Variants in CEP350 observed in about 807,000 individuals in gnomAD.
CEP350 encodes the protein centrosome-associated protein 350.
CEP350 carries 126 observed loss-of-function variants against 331.8 expected under a neutral mutation model. The ratio of observed to expected loss-of-function variants is 0.38; its 90% CI spans 0.33 to 0.44. The LOEUF is 0.44. CEP350 is among the 20% of genes least tolerant of loss of function. CEP350 has a pLI of 1.00. For missense variants in CEP350, 3,406 were observed against 3,634.6 expected, an observed-to-expected ratio of 0.94 and a Z score of 1.62; for synonymous variants, 1,200 against 1,259.5, an observed-to-expected ratio of 0.95 and a Z score of 1.00.
At position 180,091,182 on chromosome 1, in the gene CEP350, C is replaced by CT. The variant is rs112664451; in HGVS notation, c.6508+400dup. Among the ~76,000 whole-genome samples the CT allele has an allele frequency of 7.5e-3, 1,063 of 141,890 alleles. 7 individuals are homozygous for CT. The highest frequency in any genetic ancestry group is 0.012 in the Admixed American group (170 of 14,092). The allele number at this position is 141,890 out of a possible 152,430, so 93.1% of individuals were successfully genotyped here. ...GCACATGCCACCATGCCCAGCTCATCTTTTTTTTTTTTTTAAGAGACGGGG... is the reference window on the plus strand; with the variant it reads ...GCACATGCCACCATGCCCAGCTCATCTTTTTTTTTTTTTTTAAGAGACGGGG... On this transcript the variant is annotated intron_variant, in intron 33 of 37. Transcript: ENST00000367607.
intron 1 of CEP350, among the ~76,000 whole-genome samples, chr1:179,965,913 A>G (rs1650982446): frequency 6.6e-6 from 1 of 152,080 alleles, no homozygotes; most frequent in African/African-American, 2.4e-5. Flanking sequence ...GGCATGAGCC[A>G]CTGTGCTCGG....
chr1:179,964,499 A>G (rs1045814393), intron 1 of CEP350, among the ~76,000 whole-genome samples: 1 of 152,100 alleles, frequency 6.6e-6, no homozygotes, highest in Non-Finnish European at 1.5e-5. Flanking sequence ...CTGTGAATGC[A>G]TCTGATCCTG....
chr1:179,968,003 A>G (rs536338130), intron 1 of CEP350, among the ~76,000 whole-genome samples: 32 of 152,224 alleles, frequency 2.1e-4, no homozygotes, highest in South Asian at 1.0e-3. Context: ...GGAGCACTCA[A>G]TGTGGCTATA....
At chr1:180,029,363 G>A (rs548162098) in intron 14 of CEP350, among the ~76,000 whole-genome samples, 10 of 152,254 alleles carry the variant, frequency 6.6e-5, no homozygotes, top group African/African-American at 1.9e-4. Flanking sequence ...TGAATAAAGC[G>A]TTCTTACTAT....
In CEP350 at chr1:180,031,989, A is replaced by G. The variant is rs1656053548; in HGVS notation, c.3725+495A>G. ...AGCTACTTAGCATCCTTATTGTCTTATTGTTTATTTCTTCCTCTCAACTTT... is the reference window on the plus strand; with the variant it reads ...AGCTACTTAGCATCCTTATTGTCTTGTTGTTTATTTCTTCCTCTCAACTTT... On this transcript the variant is annotated intron_variant, in intron 15 of 37. Transcript: ENST00000367607. 3.9e-5 allele frequency among the ~76,000 whole-genome samples: 6 copies of G among 151,920 alleles called. No homozygotes were observed. The South Asian group carries it at 1.2e-3, about 32-fold the overall frequency.
At chr1:179,970,838 A>G (rs1651393074) in intron 1 of CEP350, among the ~76,000 whole-genome samples, 1 of 152,220 alleles carries the variant, frequency 6.6e-6, no homozygotes, top group African/African-American at 2.4e-5. Context: ...GGTATAGATC[A>G]TTGTTTCACA....
At chr1:179,983,274 G>C (rs918191660) in intron 1 of CEP350, among the ~76,000 whole-genome samples, 1 of 151,488 alleles carries the variant, frequency 6.6e-6, no homozygotes, top group South Asian at 2.1e-4. Context: ...TCGCTCTCTT[G>C]CTCAGGCTGG....
chr1:180,038,792 ATATTG>A (rs1656545215), intron 17 of CEP350, among the ~76,000 whole-genome samples: 1 of 152,230 alleles, frequency 6.6e-6, no homozygotes, highest in African/African-American at 2.4e-5. Flanking sequence ...TGTATTGGAA[ATATTG>A]TATTCCAGGT....
At chr1:180,081,532 C>T (rs768471718) in intron 30 of CEP350, among the ~76,000 whole-genome samples, 8 of 152,176 alleles carry the variant, frequency 5.3e-5, no homozygotes, top group South Asian at 2.1e-4. Flanking sequence ...CATCACTTAA[C>T]GTCCAGGATA....
chr1:180,015,820 CAT>C lies in CEP350; in HGVS notation c.2053-25_2053-24del, dbSNP rs751797499. On this transcript the variant is annotated intron_variant, in intron 10 of 37. Coordinates refer to ENST00000367607, the MANE Select transcript of CEP350 (RefSeq NM_014810.5). Reference sequence around the variant, plus strand: ...CTGAATATATCTTTGTGACAGAACTCATATAAATTTGATGTCCTTTTCTCCTA... The same window carrying C: ...CTGAATATATCTTTGTGACAGAACTCATAAATTTGATGTCCTTTTCTCCTA... 26 of 1,601,524 alleles carry C rather than the reference CAT, an allele frequency of 1.6e-5. No homozygotes were observed. In the East Asian group the frequency reaches 4.7e-4, roughly 29 times the overall value.
chr1:179,962,311 A>G (rs1650690377), intron 1 of CEP350, among the ~76,000 whole-genome samples: 1 of 152,206 alleles, frequency 6.6e-6, no homozygotes, highest in African/African-American at 2.4e-5. Context: ...ATGTTGCTCC[A>G]AAGGACATGA....
intron 1 of CEP350, among the ~76,000 whole-genome samples, chr1:179,970,972 A>T (rs933328583): frequency 1.3e-5 from 2 of 151,350 alleles, no homozygotes; most frequent in Non-Finnish European, 2.9e-5. Context: ...TTGTTAGTTT[A>T]TTTAAAATAA....
At position 180,024,530 on chromosome 1, in the gene CEP350, T is replaced by C. The variant is rs772559933; in HGVS notation, c.3498T>C (p.Ser1166=). 6.2e-7 allele frequency: 1 copy of C among 1,613,310 alleles called. No homozygotes were observed. Among genetic ancestry groups the C allele is most frequent in the South Asian group, 1.1e-5 (1 of 91,058 alleles). ...HSSGAQSAAS[S]RSSTSSKGKK... is the part of the protein sequence containing the mutation. ...CAGGAGCCCAGTCTGCTGCATCGTC[T>C]CGTTCATCTACTTCTTCTAAAGGAA... The change falls in exon 14 of 38, where the codon TCT becomes TCC. Residue 1166 remains serine, a synonymous_variant. Transcript: ENST00000367607.
At chr1:179,993,010 A>T (rs1653204686) in intron 5 of CEP350, among the ~76,000 whole-genome samples, 1 of 152,020 alleles carries the variant, frequency 6.6e-6, no homozygotes, top group South Asian at 2.1e-4. Context: ...ACCTTGAGAG[A>T]TGGAGATGGA....
At chr1:180,097,817 C>T (rs1660565654) in intron 36 of CEP350, among the ~76,000 whole-genome samples, 1 of 152,106 alleles carries the variant, frequency 6.6e-6, no homozygotes, top group Non-Finnish European at 1.5e-5. Context: ...AGTTTTGGTG[C>T]TTCAAAATAA....
chr1:180,035,843 T>C (rs1656315219), intron 16 of CEP350, among the ~76,000 whole-genome samples: 1 of 152,236 alleles, frequency 6.6e-6, no homozygotes, highest in African/African-American at 2.4e-5. Context: ...GATCAAGTAG[T>C]AATTTCAACT....
At position 180,093,293 on chromosome 1, in the gene CEP350, T is replaced by G; in HGVS notation, c.7188T>G (p.Asp2396Glu). The G allele has an allele frequency of 1.3e-6, 2 of 1,598,094 alleles. No individual in the cohort carries two copies. The highest frequency in any genetic ancestry group is 3.5e-5 in the Admixed American group (2 of 57,156). The change falls in exon 34 of 38, where the codon GAT (aspartate) becomes GAG (glutamate). Residue 2396 changes from aspartate to glutamate, a missense_variant. By Grantham distance (45) the Asp-to-Glu change is conservative. Coordinates refer to ENST00000367607, the MANE Select transcript of CEP350 (RefSeq NM_014810.5). ...KEISAELYKD[D>E]FEVSSLLSLR... Reference sequence around the variant, plus strand: ...TTTCAGCTGAATTGTACAAAGATGATTTTGAGGTGTCATCTTTGCTGTCAC... The same window carrying G: ...TTTCAGCTGAATTGTACAAAGATGAGTTTGAGGTGTCATCTTTGCTGTCAC...
rs186645375 is a variant in CEP350, at chr1:180,069,703, A to G, written c.5567+4431A>G. On this transcript the variant is annotated intron_variant, in intron 27 of 37. Coordinates refer to ENST00000367607, the MANE Select transcript of CEP350 (RefSeq NM_014810.5). ...CCTAAGCTACATTTTCTTTTCAGTC[A>G]GAACTATCTGTATCCTCATTTATCC... 4.5e-3 allele frequency among the ~76,000 whole-genome samples: 678 copies of G among 152,336 alleles called. 7 individuals are homozygous for G. The highest frequency in any genetic ancestry group is 0.015 in the African/African-American group (644 of 41,582).
rs1202147228 is a variant in CEP350, at chr1:180,012,049, G to A, written c.1367G>A (p.Gly456Asp). Residue 456 changes from glycine (G) to aspartate (D), a missense_variant, in exon 9 of 38, where the codon GGT (glycine) becomes GAT (aspartate). This residue lies in a region of CEP350 where 1,857 missense variants were observed against 1,909.2 expected (regional missense o/e 0.97). Transcript: ENST00000367607. The part of the protein sequence containing the change: ...KEQRTASSDR[G>D]GRERTAKSGG... Reference sequence around the variant, plus strand: ...CAAAGAACAGCATCAAGTGACAGAGGTGGAAGAGAAAGAACTGCTAAATCT... The same window carrying A: ...CAAAGAACAGCATCAAGTGACAGAGATGGAAGAGAAAGAACTGCTAAATCT... 3.8e-6 allele frequency: 6 copies of A among 1,566,328 alleles called. No individual in the cohort carries two copies. The highest frequency in any genetic ancestry group is 2.7e-5 in the African/African-American group (2 of 73,440).
Sources: allele counts gnomAD v4.1 joint callset (sites outside exome capture counted in the v4.1 genomes callset), GRCh38; gene constraint gnomAD v4.1.1; regional missense constraint gnomAD v4.1.1; transcripts MANE v1.5; gene names NCBI Gene and HGNC (gene_info 2026-07-23, HGNC 2026-07-21).